ADK: variants seen among roughly 807,000 people sequenced by gnomAD.
ADK encodes adenosine kinase.
A neutral mutation model predicts 44.7 loss-of-function variants in ADK; 24 were observed. The observed-to-expected ratio is 0.54, with a 90% CI of 0.39 to 0.76. The LOEUF (loss-of-function observed/expected upper bound fraction) is 0.76. Ranked by LOEUF, ADK falls within the 30% of genes least tolerant of loss-of-function variation. The pLI is 0.00. For synonymous variants in ADK, 128 were observed against 142.6 expected (o/e 0.90, Z 0.73); for missense variants, 321 against 425.1 (o/e 0.76, Z 2.15).
chr10:74,380,633 C>T (rs1484560576), intron 4 of ADK, among the ~76,000 whole-genome samples: 1 of 152,044 alleles, frequency 6.6e-6, no homozygotes, highest in African/African-American at 2.4e-5. Flanking sequence ...TGGCATGCAC[C>T]TGTAGTCCCA....
rs1845549903 is a variant in ADK, at chr10:74,445,096, C to G, written c.555+46517C>G. On this transcript the variant is annotated intron_variant, in intron 6 of 10. Transcript: ENST00000539909. ...TCAATATTTTAATAAAGAATTAATT[C>G]ATTACATGCACACTTATTTTTACAT... Among the ~76,000 whole-genome samples, 3 of 151,870 alleles carry G rather than the reference C, an allele frequency of 2.0e-5. No homozygotes were observed. The South Asian group carries it at 6.2e-4, about 32-fold the overall frequency.
intron 2 of ADK, among the ~76,000 whole-genome samples, chr10:74,211,873 A>G (rs1042891583): frequency 2.6e-5 from 4 of 152,168 alleles, no homozygotes; most frequent in Admixed American, 6.5e-5. Flanking sequence ...GGTATCTTCA[A>G]AAAAAGTTGT....
intron 9 of ADK, among the ~76,000 whole-genome samples, chr10:74,627,901 T>G (rs1249443467): frequency 6.6e-6 from 1 of 152,192 alleles, no homozygotes; most frequent in Non-Finnish European, 1.5e-5. Flanking sequence ...CCTACCAAAG[T>G]GCTCGGATTA....
intron 4 of ADK, among the ~76,000 whole-genome samples, chr10:74,360,976 C>T (rs750255341): frequency 6.6e-6 from 1 of 151,726 alleles, no homozygotes; most frequent in Admixed American, 6.6e-5. Context: ...GGTGTGATCT[C>T]GGCTCACTGC....
intron 9 of ADK, among the ~76,000 whole-genome samples, chr10:74,620,044 T>C (rs114541225): frequency 0.011 from 1,712 of 152,278 alleles, 33 homozygotes; most frequent in African/African-American, 0.039. Context: ...TTGATACATA[T>C]AATGTATGGT....
chr10:74,292,161 A>G (rs1458473358), intron 3 of ADK, among the ~76,000 whole-genome samples: 1 of 152,150 alleles, frequency 6.6e-6, no homozygotes, highest in Non-Finnish European at 1.5e-5. Flanking sequence ...TTGGGAGCTC[A>G]GTATTGTCTA....
At chr10:74,316,834 T>A (rs958636446) in intron 4 of ADK, among the ~76,000 whole-genome samples, 1 of 152,178 alleles carries the variant, frequency 6.6e-6, no homozygotes, top group Non-Finnish European at 1.5e-5. Flanking sequence ...TCCCTCAGCT[T>A]TCTCCCTGAT....
chr10:74,180,558 A>G (rs563605471), intron 1 of ADK, among the ~76,000 whole-genome samples: 11 of 146,958 alleles, frequency 7.5e-5, no homozygotes, highest in South Asian at 2.1e-4. Context: ...TCCTGGGTTC[A>G]TGCCATTCTC....
chr10:74,300,259 T>TTTCTTTCCTTCCTTCC (rs1839964689), intron 3 of ADK, among the ~76,000 whole-genome samples: 1 of 60,908 alleles, frequency 1.6e-5, no homozygotes, highest in African/African-American at 4.9e-5. Flanking sequence ...TCTCTCCTTG[T>TTTCTTTCCTTCCTTCC]TTCCTTCCTT....
Position 74,589,278 on chromosome 10 carries a change from T to C in ADK, c.727-4T>C. The C allele has an allele frequency of 6.2e-7, 1 of 1,613,510 alleles. No individual in the cohort carries two copies. Among genetic ancestry groups the C allele is most frequent in the East Asian group, 2.2e-5 (1 of 44,874 alleles). On this transcript the variant is annotated splice_polypyrimidine_tract_variant and splice_region_variant and intron_variant, in intron 7 of 10. Coordinates refer to ENST00000539909, the MANE Select transcript of ADK (RefSeq NM_006721.4). ...TTAACTGTTCTTTTTTTTTTTTATT[T>C]CAGGAAGCTGCCACTTTTGCTAGAG...
chr10:74,656,428 C>T (rs1854491189), intron 9 of ADK, among the ~76,000 whole-genome samples: 1 of 152,096 alleles, frequency 6.6e-6, no homozygotes, highest in Admixed American at 6.5e-5. Flanking sequence ...CTGCATCCTC[C>T]CAAGGGAGGA....
chr10:74,634,316 G>A (rs866190908), intron 9 of ADK, among the ~76,000 whole-genome samples: 3 of 152,004 alleles, frequency 2.0e-5, no homozygotes, highest in East Asian at 2.0e-4. Context: ...CCCAGTTCAC[G>A]CCATTCTCCC....
At chr10:74,460,658 C>T (rs1364284630) in intron 6 of ADK, among the ~76,000 whole-genome samples, 1 of 152,074 alleles carries the variant, frequency 6.6e-6, no homozygotes, top group Non-Finnish European at 1.5e-5. Context: ...GACCCCCTAC[C>T]ATGACAATTT....
At chr10:74,314,525 TATTTC>T (rs1840551097) in intron 3 of ADK, 137 bp from the exon 4 acceptor site, 6 of 641,164 alleles carry the variant, frequency 9.4e-6, no homozygotes, top group Admixed American at 5.2e-5. Flanking sequence ...TGTTATAAGA[TATTTC>T]AATTCATTTA....
intron 9 of ADK, among the ~76,000 whole-genome samples, chr10:74,639,692 C>T (rs149901202): frequency 1.9e-4 from 29 of 152,114 alleles, no homozygotes; most frequent in Non-Finnish European, 3.1e-4. Flanking sequence ...AAAAATTAGC[C>T]GGGCGTGGTG....
At chr10:74,606,695 G>A (rs1203073429) in intron 9 of ADK, among the ~76,000 whole-genome samples, 2 of 152,176 alleles carry the variant, frequency 1.3e-5, no homozygotes. Flanking sequence ...GTGGTGCTGA[G>A]AAGAATGTAT....
At chr10:74,604,312 T>G (rs1589290141) in intron 9 of ADK, among the ~76,000 whole-genome samples, 1 of 152,358 alleles carries the variant, frequency 6.6e-6, no homozygotes, top group African/African-American at 2.4e-5. Context: ...GTTTTAGTCA[T>G]GAAGTCTTTG....
intron 6 of ADK, among the ~76,000 whole-genome samples, chr10:74,441,142 C>G (rs190858288): frequency 3.9e-5 from 6 of 152,282 alleles, no homozygotes; most frequent in African/African-American, 1.4e-4. Flanking sequence ...TATGAAAACA[C>G]ATATACACAA....
At chr10:74,254,959 ATTTTC>A (rs950414724) in intron 3 of ADK, among the ~76,000 whole-genome samples, 1 of 152,144 alleles carries the variant, frequency 6.6e-6, no homozygotes, top group African/African-American at 2.4e-5. Flanking sequence ...GCTGTACAGT[ATTTTC>A]TTGTTATGTT....
Sources: gnomAD v4.1 joint callset for allele counts (sites outside exome capture counted in the v4.1 genomes callset) on GRCh38, gnomAD v4.1.1 for gene constraint, MANE v1.5 for transcripts, NCBI Gene and HGNC (gene_info 2026-07-23, HGNC 2026-07-21) for gene names.